The following FSTL4 variants were observed in gnomAD, a reference collection of about 807,000 sequenced individuals.
The protein encoded by FSTL4 is follistatin-related protein 4.
FSTL4 carries 28 observed loss-of-function variants against 78.2 expected under a neutral mutation model. That is an observed-to-expected ratio of 0.36 (90% CI 0.27 to 0.49). The LOEUF (loss-of-function observed/expected upper bound fraction) is 0.49, where lower values mean the gene tolerates loss of function less well. Among genes scored for constraint, FSTL4 ranks in the 20% least tolerant of loss-of-function variants. The pLI, the probability that FSTL4 is intolerant of heterozygous loss-of-function variation, is 0.98. For synonymous variants in FSTL4, 422 were observed against 440.5 expected (o/e 0.96, Z 0.53); for missense variants, 922 against 1,084.9 (o/e 0.85, Z 2.11).
At chr5:133,689,380 A>G in the FSTL4 span, among the ~76,000 whole-genome samples, 8 of 152,238 alleles carry the variant, frequency 5.3e-5, no homozygotes, top group African/African-American at 1.9e-4. Flanking sequence ...AAGTTTAGAA[A>G]ACATTGCTTG....
the FSTL4 span, among the ~76,000 whole-genome samples, chr5:133,825,276 T>A: frequency 1.3e-5 from 2 of 152,172 alleles, no homozygotes; most frequent in African/African-American, 4.8e-5. Context: ...GCCCTGCCAA[T>A]CCTATGCTCA....
chr5:133,455,959 C>A (rs144256380), intron 3 of FSTL4, among the ~76,000 whole-genome samples: 20 of 152,350 alleles, frequency 1.3e-4, no homozygotes, highest in African/African-American at 3.8e-4. Context: ...TCCTGGAGGT[C>A]TGACAGTCGC....
chr5:133,594,272 C>A (rs1469733874), intron 2 of FSTL4, among the ~76,000 whole-genome samples: 1 of 152,196 alleles, frequency 6.6e-6, no homozygotes, highest in Admixed American at 6.5e-5. Flanking sequence ...CTCACTGCAA[C>A]CTCCGCCTCC....
At chr5:133,704,888 C>A in the FSTL4 span, among the ~76,000 whole-genome samples, 1 of 152,224 alleles carries the variant, frequency 6.6e-6, no homozygotes, top group South Asian at 2.1e-4. Context: ...CCAACAGAAT[C>A]AAGGTTCATC....
chr5:133,394,646 G>T (rs1268470218), intron 4 of FSTL4, among the ~76,000 whole-genome samples: 1 of 152,220 alleles, frequency 6.6e-6, no homozygotes, highest in East Asian at 1.9e-4. Context: ...ACCACTGTGG[G>T]CTCCTGCGTG....
Position 133,199,125 on chromosome 5 carries a change from C to A in FSTL4, c.2499G>T (p.Gly833=), listed in dbSNP as rs140495211. The A allele has an allele frequency of 2.5e-5, 39 of 1,560,458 alleles. No individual in the cohort carries two copies. The highest frequency in any genetic ancestry group is 3.3e-5 in the Non-Finnish European group (38 of 1,148,954). ...CCTCACCCACCCACACCACTGTGGT[C>A]CCCCCCTTTATACCTGACACCTCAC... ...LRCEVSGIKG[G]TTVVWVGEV Residue 833 remains glycine (G), a synonymous_variant, in exon 16 of 16, where the codon GGG becomes GGT. Transcript: ENST00000265342. This position sits in a 1 kb window ranked among gnomAD's most constrained non-coding sequence, Gnocchi z 4.4.
At chr5:133,388,128 A>G (rs1755749877) in intron 4 of FSTL4, among the ~76,000 whole-genome samples, 1 of 152,250 alleles carries the variant, frequency 6.6e-6, no homozygotes, top group African/African-American at 2.4e-5. Context: ...TGGTAACTAT[A>G]TTTGAAAAAG....
chr5:133,406,629 GGAT>G (rs1193169942), intron 3 of FSTL4, among the ~76,000 whole-genome samples: 1 of 152,140 alleles, frequency 6.6e-6, no homozygotes, highest in Admixed American at 6.5e-5. Context: ...TCAAGGGTTG[GGAT>G]GAGAATCTGT....
intron 3 of FSTL4, among the ~76,000 whole-genome samples, chr5:133,485,768 T>C (rs1561735751): frequency 6.6e-6 from 1 of 152,178 alleles, no homozygotes; most frequent in Non-Finnish European, 1.5e-5. Context: ...AGTCAAATAC[T>C]GTACAGGACC....
At chr5:133,371,247 G>A (rs1377842138) in intron 4 of FSTL4, among the ~76,000 whole-genome samples, 1 of 152,248 alleles carries the variant, frequency 6.6e-6, no homozygotes, top group Non-Finnish European at 1.5e-5. Context: ...TCCACTCCGA[G>A]ACTCTGACCA....
chr5:133,203,123 G>A (rs1750382387), intron 14 of FSTL4, among the ~76,000 whole-genome samples: 1 of 152,224 alleles, frequency 6.6e-6, no homozygotes. Flanking sequence ...GCAGACCAGT[G>A]GTCCGATGAG....
chr5:133,255,787 A>G lies in FSTL4; in HGVS notation c.728-6211T>C, dbSNP rs180727043. Among the ~76,000 whole-genome samples the G allele has an allele frequency of 9.6e-4, 146 of 152,306 alleles. 1 individual carries two copies. The highest frequency in any genetic ancestry group is 1.5e-3 in the Non-Finnish European group (101 of 68,014). On this transcript the variant is annotated intron_variant, in intron 6 of 15. Transcript: ENST00000265342. ...TGGGCTTACCATAAGCAGGCTAACA[A>G]ACACCCTTCCTGAAAGCAGGAGGCC...
chr5:133,217,293 T>C lies in FSTL4; in HGVS notation c.1544A>G (p.Tyr515Cys). 5 of 1,614,176 alleles carry C rather than the reference T, an allele frequency of 3.1e-6. No individual in the cohort carries two copies. Among genetic ancestry groups the C allele is most frequent in the East Asian group, 2.2e-5 (1 of 44,866 alleles). The change falls in exon 13 of 16, where the codon TAT (tyrosine) becomes TGT (cysteine). Residue 515 changes from tyrosine (Y) to cysteine (C), a missense_variant. Physicochemically the swap from Tyr to Cys is radical, Grantham distance 194. Coordinates refer to ENST00000265342, the MANE Select transcript of FSTL4 (RefSeq NM_015082.2). ...TCTGCTCAGTGCTGGCTGGGCCACA[T>C]AGATGTACCGGTTCCGGACATTGAC... ...SAVNVRNRYI[Y>C]VAQPALSRVL... is the part of the protein sequence containing the mutation.
chr5:133,517,772 T>A (rs941961537), intron 3 of FSTL4, among the ~76,000 whole-genome samples: 1 of 151,814 alleles, frequency 6.6e-6, no homozygotes, highest in South Asian at 2.1e-4. Context: ...ACCACTCAAG[T>A]CCAAAATCTG....
At chr5:133,573,068 C>T (rs889757541) in intron 2 of FSTL4, among the ~76,000 whole-genome samples, 1 of 151,946 alleles carries the variant, frequency 6.6e-6, no homozygotes, top group Non-Finnish European at 1.5e-5. Context: ...CACAGTGTAA[C>T]CCTATCTCTA....
intron 3 of FSTL4, among the ~76,000 whole-genome samples, chr5:133,421,987 G>A (rs912881856): frequency 1.3e-5 from 2 of 152,176 alleles, no homozygotes; most frequent in African/African-American, 4.8e-5. Flanking sequence ...TAGATAAGGT[G>A]GTCAGGGAGG....
intron 14 of FSTL4, among the ~76,000 whole-genome samples, chr5:133,204,602 C>T (rs930214318): frequency 4.6e-5 from 7 of 152,008 alleles, no homozygotes; most frequent in African/African-American, 9.7e-5. Context: ...GAAGCTGAGG[C>T]GGGCAGATCA....
chr5:133,363,102 C>T (rs958654695), intron 4 of FSTL4, among the ~76,000 whole-genome samples: 6 of 152,058 alleles, frequency 3.9e-5, no homozygotes, highest in Non-Finnish European at 7.3e-5. Flanking sequence ...TTTATGACTG[C>T]GCTGTCATTC....
chr5:133,276,577 G>C (rs1037170077), intron 6 of FSTL4, among the ~76,000 whole-genome samples: 3 of 152,222 alleles, frequency 2.0e-5, no homozygotes, highest in African/African-American at 7.2e-5. Flanking sequence ...AGCTGGCCCT[G>C]AATGGGTACC....
Sources: allele counts gnomAD v4.1 joint callset (sites outside exome capture counted in the v4.1 genomes callset), GRCh38; gene constraint gnomAD v4.1.1; non-coding constraint Gnocchi (gnomAD v3.1); transcripts MANE v1.5; gene names NCBI Gene and HGNC (gene_info 2026-07-23, HGNC 2026-07-21).